Variants in CACNA1C observed in about 807,000 individuals in gnomAD.
CACNA1C encodes voltage-dependent L-type calcium channel subunit alpha-1C.
A neutral mutation model predicts 229.0 loss-of-function variants in CACNA1C; 30 were observed. The ratio of observed to expected loss-of-function variants is 0.13; its 90% confidence interval spans 0.10 to 0.18. The LOEUF (loss-of-function observed/expected upper bound fraction) is 0.18. Ranked by LOEUF, CACNA1C falls within the 10% of genes least tolerant of loss-of-function variation. The pLI, the probability that CACNA1C is intolerant of heterozygous loss-of-function variation, is 1.00. For missense variants in CACNA1C, 1,658 were observed against 2,845.0 expected, an observed-to-expected ratio of 0.58 and a Z score of 9.49; for synonymous variants, 1,114 against 1,132.5, an observed-to-expected ratio of 0.98 and a Z score of 0.33.
Position 2,547,067 on chromosome 12 carries a change from G to C in CACNA1C, c.1391-2876G>C, listed in dbSNP as rs1017073577. Among the ~76,000 whole-genome samples, 3 of 152,162 alleles carry C rather than the reference G, an allele frequency of 2.0e-5. No homozygotes were observed. The South Asian group carries it at 6.2e-4, about 32-fold the overall frequency. On this transcript the variant is annotated intron_variant, in intron 9 of 46. Transcript: ENST00000399655. ...AGGGCTACAGTTAGACTTTAGCAGT[G>C]ACCCCGCTTGAGCCTGCAAAGGGCG...
At chr12:2,174,915 A>T (rs1458429616) in intron 3 of CACNA1C, among the ~76,000 whole-genome samples, 1 of 152,214 alleles carries the variant, frequency 6.6e-6, no homozygotes, top group Non-Finnish European at 1.5e-5. Flanking sequence ...AAAGGTCTTC[A>T]TCCTCCTTGT....
At chr12:2,304,306 T>A (rs2094832580) in intron 3 of CACNA1C, among the ~76,000 whole-genome samples, 1 of 152,152 alleles carries the variant, frequency 6.6e-6, no homozygotes, top group African/African-American at 2.4e-5. Flanking sequence ...CGGTCCAGCC[T>A]AGGACACGCT....
chr12:2,558,648 ACCAGC>A (rs1365834767), intron 11 of CACNA1C, among the ~76,000 whole-genome samples: 1 of 152,180 alleles, frequency 6.6e-6, no homozygotes, highest in Non-Finnish European at 1.5e-5. Flanking sequence ...GAGGCACTCC[ACCAGC>A]CCCAGTGTTG....
At position 2,479,360 on chromosome 12, in the gene CACNA1C, C is replaced by T. The variant is rs2099654362; in HGVS notation, c.758-6744C>T. Among the ~76,000 whole-genome samples the T allele has an allele frequency of 6.6e-6, 1 of 152,072 alleles. No homozygotes were observed. ...CTCCTGAAGTGCTGGGATTACAAGCCTAAAGCCACTGTGCCTGGCCTTGAA... is the reference window on the plus strand; with the variant it reads ...CTCCTGAAGTGCTGGGATTACAAGCTTAAAGCCACTGTGCCTGGCCTTGAA... On this transcript the variant is annotated intron_variant, in intron 5 of 46. Transcript: ENST00000399655. This position sits in a 1 kb window ranked among gnomAD's most constrained non-coding sequence, Gnocchi z 4.3.
chr12:2,242,435 G>T (rs975261408), intron 3 of CACNA1C, among the ~76,000 whole-genome samples: 1 of 152,154 alleles, frequency 6.6e-6, no homozygotes, highest in Non-Finnish European at 1.5e-5. Flanking sequence ...AAAGGTGGCG[G>T]CCACAGCAGA....
At chr12:2,435,779 G>C (rs1416014785) in intron 3 of CACNA1C, among the ~76,000 whole-genome samples, 2 of 152,234 alleles carry the variant, frequency 1.3e-5, no homozygotes, top group Admixed American at 1.3e-4. Context: ...ATGCACTGTG[G>C]ATAGCACAGG....
At chr12:2,177,119 C>T (rs1334552395) in intron 3 of CACNA1C, among the ~76,000 whole-genome samples, 1 of 152,144 alleles carries the variant, frequency 6.6e-6, no homozygotes, top group African/African-American at 2.4e-5. Flanking sequence ...ACCCAGGCTG[C>T]CTTCCCAACA....
rs375288712 is a variant in CACNA1C at position 2,502,023 on chromosome 12, G to A, written c.1114-2819G>A. Among the ~76,000 whole-genome samples, 72 of 152,300 alleles carry A rather than the reference G, an allele frequency of 4.7e-4. No homozygotes were observed. The South Asian group carries it at 0.013, about 28-fold the overall frequency. ...GGCTTCCTTCCTGCTCTTTATCTCC[G>A]TTGCCTTCAGTGGCTGTGCAGTGCA... On this transcript the variant is annotated intron_variant, in intron 7 of 46. Coordinates refer to ENST00000399655, the MANE Select transcript of CACNA1C (RefSeq NM_000719.7).
chr12:2,581,899 C>A, intron 14 of CACNA1C, 102 bp downstream of exon 14: 1 of 701,612 alleles, frequency 1.4e-6, no homozygotes, highest in South Asian at 1.8e-5. Flanking sequence ...CAGCCACAGC[C>A]ATCCTAGATC....
chr12:2,602,525 G>A lies in CACNA1C; in HGVS notation c.2960+565G>A, dbSNP rs181824271. ...TGTATGTGTGTGTATGTATGTGTTT[G>A]TGTTTGTGTCTGCATATGTGTCTAT... On this transcript the variant is annotated intron_variant, in intron 22 of 46. Coordinates refer to ENST00000399655, the MANE Select transcript of CACNA1C (RefSeq NM_000719.7). The surrounding 1 kb of genome is among the most constrained non-coding windows in gnomAD (Gnocchi z 4.4). 2.6e-5 allele frequency among the ~76,000 whole-genome samples: 4 copies of A among 151,998 alleles called. No homozygotes were observed. The East Asian group carries it at 7.7e-4, about 29-fold the overall frequency.
chr12:2,228,633 T>C (rs1209742069), intron 3 of CACNA1C, among the ~76,000 whole-genome samples: 2 of 152,168 alleles, frequency 1.3e-5, no homozygotes, highest in Admixed American at 1.3e-4. Flanking sequence ...CCAGTACAGA[T>C]TTTGAGCCTT....
At chr12:2,090,382 A>G (rs567269156) in intron 1 of CACNA1C, among the ~76,000 whole-genome samples, 14 of 121,580 alleles carry the variant, frequency 1.2e-4, no homozygotes, top group Non-Finnish European at 2.2e-4. Context: ...CAGTGGCATG[A>G]TCTCGGCTCA....
chr12:2,290,544 TCCTAACCA>T (rs1200663348), intron 3 of CACNA1C, among the ~76,000 whole-genome samples: 2 of 152,126 alleles, frequency 1.3e-5, no homozygotes, highest in African/African-American at 4.8e-5. Flanking sequence ...GGACTTCCTT[TCCTAACCA>T]GGCAGACTCT....
In CACNA1C at chr12:2,685,171, C is replaced by T. The variant is rs185202966; in HGVS notation, c.5574-565C>T. ...AGAAGCTGTCAAATCTACTTCTCAT[C>T]GAGTTTCCATCAAAGGCCTGGAAGC... On this transcript the variant is annotated intron_variant, in intron 43 of 46. Coordinates refer to ENST00000399655, the MANE Select transcript of CACNA1C (RefSeq NM_000719.7). Among the ~76,000 whole-genome samples, 95 of 152,048 alleles carry T rather than the reference C, an allele frequency of 6.2e-4. 2 individuals are homozygous for T. In the East Asian group the frequency reaches 0.015, roughly 24 times the overall value.
chr12:2,014,144 C>A (rs951220575), intron 1 of CACNA1C, among the ~76,000 whole-genome samples: 1 of 152,108 alleles, frequency 6.6e-6, no homozygotes, highest in Admixed American at 6.5e-5. Context: ...GGGCTGGCTC[C>A]GTGGGCCTTC....
Position 2,688,559 on chromosome 12 carries a change from C to T in CACNA1C, c.5897C>T (p.Pro1966Leu). The T allele has an allele frequency of 6.2e-7, 1 of 1,614,032 alleles. No homozygotes were observed. Among genetic ancestry groups the T allele is most frequent in the Non-Finnish European group, 8.5e-7 (1 of 1,179,896 alleles). Residue 1966 changes from proline (P) to leucine (L), a missense_variant, in exon 46 of 47, where the codon CCA becomes CTA. Physicochemically the swap from Pro to Leu is moderately conservative, Grantham distance 98. Coordinates refer to ENST00000399655, the MANE Select transcript of CACNA1C (RefSeq NM_000719.7). The part of the protein sequence containing the change: ...PATPGSRGWP[P>L]QPVPTLRLEG... ...ACACCTGGCAGCCGAGGCTGGCCCCCACAGCCCGTCCCCACCCTGCGGCTT... is the reference window on the plus strand; with the variant it reads ...ACACCTGGCAGCCGAGGCTGGCCCCTACAGCCCGTCCCCACCCTGCGGCTT...
intron 3 of CACNA1C, among the ~76,000 whole-genome samples, chr12:2,273,833 G>A (rs185055664): frequency 6.6e-6 from 1 of 152,220 alleles, no homozygotes; most frequent in Non-Finnish European, 1.5e-5. Flanking sequence ...GAGAACGGGA[G>A]GGGGTCAAGG....
intron 3 of CACNA1C, among the ~76,000 whole-genome samples, chr12:2,229,397 A>G (rs2064014541): frequency 6.6e-6 from 1 of 152,186 alleles, no homozygotes; most frequent in Non-Finnish European, 1.5e-5. Context: ...ATGGGTTTTA[A>G]AAGTCCGTCC....
intron 1 of CACNA1C, among the ~76,000 whole-genome samples, chr12:2,062,703 C>T (rs2154518164): frequency 6.6e-6 from 1 of 152,294 alleles, no homozygotes; most frequent in South Asian, 2.1e-4. Flanking sequence ...TTCACATCTC[C>T]TCACAGGCCT....
Sources: gnomAD v4.1 joint callset for allele counts (sites outside exome capture counted in the v4.1 genomes callset) on GRCh38, gnomAD v4.1.1 for gene constraint, Gnocchi (gnomAD v3.1) non-coding constraint, MANE v1.5 for transcripts, NCBI Gene and HGNC (gene_info 2026-07-23, HGNC 2026-07-21) for gene names.